The following RAB37 variants were observed in gnomAD, a reference collection of about 807,000 sequenced individuals.
RAB37 encodes the protein RAB37, member RAS oncogene family, also known as ras-related protein Rab-37.
Under a neutral mutation model 33.1 loss-of-function variants are expected in RAB37, and 29 were observed. The observed-to-expected ratio is 0.88, with a 90% confidence interval of 0.65 to 1.20. RAB37 has a LOEUF of 1.20. Ranked by LOEUF, RAB37 falls within the 50% of genes most tolerant of loss-of-function variation. The probability of loss-of-function intolerance (pLI) is 0.00; values close to 1 mark genes in which losing one functional copy is unlikely to be tolerated. For synonymous variants in RAB37, 128 were observed against 119.5 expected (o/e 1.07, Z -0.47); for missense variants, 299 against 301.1 (o/e 0.99, Z 0.05).
chr17:74,686,373 G>A (rs138619710), intron 1 of RAB37, among the ~76,000 whole-genome samples: 159 of 151,194 alleles, frequency 1.1e-3, no homozygotes, highest in African/African-American at 3.7e-3. Context: ...GATTACAGAC[G>A]TGAGCCACCA....
upstream of RAB37, among the ~76,000 whole-genome samples, chr17:74,734,978 A>G (rs989024585): frequency 0.027 from 3,679 of 136,186 alleles, 198 homozygotes; most frequent in East Asian, 0.08. Flanking sequence ...AAAAAGAAAG[A>G]AAGAAAAAGA....
At chr17:74,719,500 C>G (rs1266479922) in intron 1 of RAB37, among the ~76,000 whole-genome samples, 1 of 152,104 alleles carries the variant, frequency 6.6e-6, no homozygotes, top group Non-Finnish European at 1.5e-5. Context: ...AATTACCTTT[C>G]TTTTTCTTTT....
At chr17:74,680,142 A>T (rs1473266798) in intron 1 of RAB37, among the ~76,000 whole-genome samples, 2 of 152,138 alleles carry the variant, frequency 1.3e-5, no homozygotes, top group South Asian at 4.2e-4. Context: ...ATCCTACAAC[A>T]AACCTATTTT....
intron 1 of RAB37, among the ~76,000 whole-genome samples, chr17:74,674,182 C>G (rs545911831): frequency 6.6e-6 from 1 of 152,050 alleles, no homozygotes; most frequent in African/African-American, 2.4e-5. Context: ...GCAAGTGATT[C>G]TCCCACCTCA....
rs1435058407 is a variant in RAB37, at chr17:74,740,371, C to T, written c.94-397C>T. ...CCCAGCCCATGCGTGTACTCACGAG[C>T]GGACGATGGATGACACAAGTACACA... On this transcript the variant is annotated intron_variant, in intron 1 of 8. Transcript: ENST00000392613. Among the ~76,000 whole-genome samples the T allele has an allele frequency of 4.6e-5, 7 of 152,252 alleles. No homozygotes were observed. In the East Asian group the frequency reaches 9.6e-4, roughly 21 times the overall value.
At chr17:74,694,722 G>A (rs1422248662) in intron 1 of RAB37, 1 of 166,926 alleles carries the variant, frequency 6.0e-6, no homozygotes, top group African/African-American at 2.4e-5. Context: ...ATATCTTTGG[G>A]GGCCATTATT....
intron 1 of RAB37, among the ~76,000 whole-genome samples, chr17:74,678,729 G>A (rs1334541961): frequency 6.6e-6 from 1 of 151,588 alleles, no homozygotes; most frequent in African/African-American, 2.4e-5. Flanking sequence ...GCACACATAC[G>A]CACCCTTCCT....
intron 1 of RAB37, among the ~76,000 whole-genome samples, chr17:74,690,539 C>T (rs778903132): frequency 1.3e-5 from 2 of 152,160 alleles, no homozygotes; most frequent in South Asian, 2.1e-4. Context: ...TGCGGGGATA[C>T]GGCTGAGATG....
chr17:74,692,670 A>G (rs772716134), intron 1 of RAB37, among the ~76,000 whole-genome samples: 5 of 152,142 alleles, frequency 3.3e-5, no homozygotes, highest in African/African-American at 7.2e-5. Context: ...ATCAACCTAG[A>G]TGAAGTGATA....
chr17:74,671,756 A>C lies in RAB37; in HGVS notation c.72+98A>C. 9.7e-7 allele frequency: 1 copy of C among 1,036,088 alleles called. No homozygotes were observed. The highest frequency in any genetic ancestry group is 1.5e-6 in the Non-Finnish European group (1 of 671,384). The allele number at this position is 1,036,088 out of a possible 1,614,324, so 64.2% of individuals were successfully genotyped here. A position where few individuals can be genotyped will look rare whatever the true frequency, so the allele number is the denominator to read the frequency against. On this transcript the variant is annotated intron_variant, in intron 1 of 7. Transcript: ENST00000340415. The surrounding 1 kb of genome is among the most constrained non-coding windows in gnomAD (Gnocchi z 5.0). ...GACTTTGCTTTGGGACTTAATGAGA[A>C]ACTAGCTTGTATCTGTGAGTCTGGG... is the stretch of plus-strand genomic sequence containing the variant.
At chr17:74,675,605 A>C (rs2031812984) in intron 1 of RAB37, among the ~76,000 whole-genome samples, 1 of 152,212 alleles carries the variant, frequency 6.6e-6, no homozygotes, top group Admixed American at 6.5e-5. Flanking sequence ...GCAGAAGTCC[A>C]TGGAAATAAA....
chr17:74,671,537 C>T lies in RAB37; in HGVS notation c.-50C>T, dbSNP rs749180310. ...GGAGCTCGAACCGAGCTCCTGGAAG[C>T]GCTGACGCAGAGCGCAGGGAGAGCC... is the stretch of plus-strand genomic sequence containing the variant. On this transcript the variant is annotated 5_prime_UTR_variant, in exon 1 of 8. Transcript: ENST00000340415. The surrounding 1 kb of genome is among the most constrained non-coding windows in gnomAD (Gnocchi z 5.0). 3 of 1,584,210 alleles carry T rather than the reference C, an allele frequency of 1.9e-6. No homozygotes were observed. The highest frequency in any genetic ancestry group is 2.2e-5 in the East Asian group (1 of 44,728).
At position 74,729,503 on chromosome 17, in the gene RAB37, G is replaced by C. The variant is rs558915420; in HGVS notation, c.183+137G>C. On this transcript the variant is annotated intron_variant, in intron 2 of 7. Coordinates refer to the RAB37 transcript ENST00000340415. This position sits in a 1 kb window ranked among gnomAD's most constrained non-coding sequence, Gnocchi z 4.2. ...GATTAAGGAGAAGACTGTTCCCCAA[G>C]GTGTAGGAGGGTGTTGGGTGACCAG... The C allele has an allele frequency of 1.9e-4, 131 of 694,340 alleles. No homozygotes were observed. In the African/African-American group the frequency reaches 2.0e-3, roughly 10 times the overall value. 43.0% of individuals were successfully genotyped at this position (694,340 alleles called of 1,614,324 possible). A position where few individuals can be genotyped will look rare whatever the true frequency, so the allele number is the denominator to read the frequency against.
Position 74,710,903 on chromosome 17 carries a change from G to A in RAB37, c.73-18353G>A, listed in dbSNP as rs140627780. On this transcript the variant is annotated intron_variant, in intron 1 of 7. Coordinates refer to the RAB37 transcript ENST00000340415. ...CAAAAAATCTGTTCTTGCCAGGCAC[G>A]GTGGCTCATGCTTTTAATCCCAGCA... Among the ~76,000 whole-genome samples, 668 of 151,696 alleles carry A rather than the reference G, an allele frequency of 4.4e-3. 6 individuals are homozygous for A. Among genetic ancestry groups the A allele is most frequent in the Middle Eastern group, 6.8e-3 (2 of 294 alleles).
At chr17:74,727,960 G>A (rs1054786594) in intron 1 of RAB37, among the ~76,000 whole-genome samples, 3 of 151,368 alleles carry the variant, frequency 2.0e-5, no homozygotes, top group African/African-American at 4.9e-5. Flanking sequence ...TCTGTGTGTC[G>A]GTGCCTGTGT....
chr17:74,732,154 G>A (rs544565970), intron 2 of RAB37, among the ~76,000 whole-genome samples: 4 of 152,240 alleles, frequency 2.6e-5, no homozygotes, highest in African/African-American at 9.6e-5. Flanking sequence ...AGTGGTTTTC[G>A]AACACTCCTT....
rs777710013 is a variant in RAB37 at position 74,745,154 on chromosome 17, G to A, written c.566+70G>A. 4 of 1,573,306 alleles carry A rather than the reference G, an allele frequency of 2.5e-6. No homozygotes were observed. The South Asian group carries it at 4.4e-5, about 17-fold the overall frequency. On this transcript the variant is annotated intron_variant, in intron 8 of 8. Transcript: ENST00000392613. This position sits in a 1 kb window ranked among gnomAD's most constrained non-coding sequence, Gnocchi z 4.5. ...CACTCCAGGAATCCAGTAGGGCCCGGCCCCTGGCCCAGCCCCTGGACACAC... is the reference window on the plus strand; with the variant it reads ...CACTCCAGGAATCCAGTAGGGCCCGACCCCTGGCCCAGCCCCTGGACACAC...
At position 74,745,589 on chromosome 17, in the gene RAB37, G is replaced by A. The variant is rs939881449; in HGVS notation, c.*178G>A. ...CTACTTGAGTTCCTGCGGTCTCCCC[G>A]CATCCACAGGGAGGGTAAAACACTT... On this transcript the variant is annotated 3_prime_UTR_variant, in exon 9 of 9. Transcript: ENST00000392613. This position sits in a 1 kb window ranked among gnomAD's most constrained non-coding sequence, Gnocchi z 4.5. 2.7e-5 allele frequency: 16 copies of A among 594,102 alleles called. No individual in the cohort carries two copies. The highest frequency in any genetic ancestry group is 4.5e-5 in the Non-Finnish European group (15 of 331,778). 36.8% of individuals were successfully genotyped at this position (594,102 alleles called of 1,614,324 possible). A position where few individuals can be genotyped will look rare whatever the true frequency, so the allele number is the denominator to read the frequency against.
At chr17:74,703,333 G>A (rs1239293677) in intron 1 of RAB37, among the ~76,000 whole-genome samples, 4 of 152,110 alleles carry the variant, frequency 2.6e-5, no homozygotes, top group Non-Finnish European at 5.9e-5. Context: ...AGGTGGGGCT[G>A]GGCAGGGTCC....
Sources: allele counts gnomAD v4.1 joint callset (sites outside exome capture counted in the v4.1 genomes callset), GRCh38; gene constraint gnomAD v4.1.1; non-coding constraint Gnocchi (gnomAD v3.1); transcripts MANE v1.5; gene names NCBI Gene and HGNC (gene_info 2026-07-23, HGNC 2026-07-21).